The following NRXN3 variants were observed in gnomAD, a reference collection of about 807,000 sequenced individuals.
NRXN3 encodes the protein neurexin III.
Under a neutral mutation model 137.6 loss-of-function variants are expected in NRXN3, and 32 were observed. The observed-to-expected ratio is 0.23, with a 90% confidence interval of 0.18 to 0.31. The LOEUF is 0.31. Ranked by LOEUF, NRXN3 falls within the 10% of genes least tolerant of loss-of-function variation. NRXN3 has a pLI of 1.00. For synonymous variants in NRXN3, 798 were observed against 784.5 expected (o/e 1.02, Z -0.29); for missense variants, 1,574 against 2,062.5 (o/e 0.76, Z 4.59).
intron 15 of NRXN3, among the ~76,000 whole-genome samples, chr14:79,385,106 TTGTGCAGGTTAGTTACATATGTATACA>T (rs2153459812): frequency 6.6e-6 from 1 of 151,732 alleles, no homozygotes; most frequent in Non-Finnish European, 1.5e-5. Context: ...CATGTGCACA[TTGTGCAGGTTAGTTACATATGTATACA>T]TGTGCCATGC....
chr14:79,575,358 A>G (rs1000085116), intron 16 of NRXN3, among the ~76,000 whole-genome samples: 1 of 152,156 alleles, frequency 6.6e-6, no homozygotes, highest in Non-Finnish European at 1.5e-5. Context: ...GAAGACATAA[A>G]CAAATTTATT....
intron 10 of NRXN3, among the ~76,000 whole-genome samples, chr14:78,864,689 C>T (rs1197698218): frequency 1.3e-5 from 2 of 152,048 alleles, no homozygotes; most frequent in Non-Finnish European, 2.9e-5. Context: ...ACATTGGAGC[C>T]TTTGAAGGGA....
At chr14:78,873,388 A>G (rs1358926177) in intron 10 of NRXN3, among the ~76,000 whole-genome samples, 2 of 152,192 alleles carry the variant, frequency 1.3e-5, no homozygotes, top group African/African-American at 4.8e-5. Flanking sequence ...CACCATACTT[A>G]GTGAGAAGTT....
At chr14:79,171,373 T>C (rs2061764387) in intron 15 of NRXN3, among the ~76,000 whole-genome samples, 1 of 152,130 alleles carries the variant, frequency 6.6e-6, no homozygotes, top group Non-Finnish European at 1.5e-5. Flanking sequence ...GTTATAAGAG[T>C]ACGTGTATAC....
chr14:79,810,281 G>T (rs913306681), intron 20 of NRXN3, among the ~76,000 whole-genome samples: 2 of 151,916 alleles, frequency 1.3e-5, no homozygotes, highest in African/African-American at 4.8e-5. Flanking sequence ...GTTATCCAGG[G>T]GTATATTTTT....
At chr14:78,438,479 C>T (rs528907779) in intron 4 of NRXN3, among the ~76,000 whole-genome samples, 35 of 152,194 alleles carry the variant, frequency 2.3e-4, no homozygotes, top group African/African-American at 8.2e-4. Context: ...TGTGTAGTGG[C>T]CTGGTATAAG....
At chr14:78,977,308 A>G (rs923966763) in intron 14 of NRXN3, among the ~76,000 whole-genome samples, 2 of 152,188 alleles carry the variant, frequency 1.3e-5, no homozygotes, top group African/African-American at 2.4e-5. Flanking sequence ...CACCATTTCG[A>G]AAAGTTCTAG....
intron 4 of NRXN3, among the ~76,000 whole-genome samples, chr14:78,514,650 T>C (rs2153793155): frequency 6.6e-6 from 1 of 152,238 alleles, no homozygotes; most frequent in Admixed American, 6.5e-5. Flanking sequence ...AAAGGTTCTT[T>C]CCCTCATGCT....
At chr14:78,316,287 CG>C (rs1567239542) in intron 4 of NRXN3, among the ~76,000 whole-genome samples, 1 of 151,000 alleles carries the variant, frequency 6.6e-6, no homozygotes, top group East Asian at 2.0e-4. Context: ...GAGTTGGGGG[CG>C]GGGGTGGCAG....
chr14:78,271,796 C>T (rs1374309891), intron 2 of NRXN3, among the ~76,000 whole-genome samples: 1 of 152,168 alleles, frequency 6.6e-6, no homozygotes, highest in Non-Finnish European at 1.5e-5. Context: ...GGCTCTGGGG[C>T]TCAGTCCTCT....
At chr14:79,605,445 T>C (rs1446591107) in intron 16 of NRXN3, among the ~76,000 whole-genome samples, 1 of 152,176 alleles carries the variant, frequency 6.6e-6, no homozygotes, top group Non-Finnish European at 1.5e-5. Context: ...CATATTTTGC[T>C]CTACTGGGCC....
chr14:79,696,553 G>T (rs56923607), intron 18 of NRXN3, among the ~76,000 whole-genome samples: 3,445 of 151,908 alleles, frequency 0.023, 143 homozygotes, highest in African/African-American at 0.079. Flanking sequence ...CTGATAAATT[G>T]CAATAAATTT....
intron 15 of NRXN3, among the ~76,000 whole-genome samples, chr14:79,053,050 A>G (rs939264952): frequency 7.2e-5 from 11 of 152,212 alleles, no homozygotes; most frequent in African/African-American, 2.7e-4. Flanking sequence ...TCATTCATTC[A>G]TTGATTTAAA....
intron 20 of NRXN3, among the ~76,000 whole-genome samples, chr14:79,852,560 C>T (rs750046560): frequency 2.4e-4 from 36 of 152,090 alleles, no homozygotes; most frequent in Non-Finnish European, 3.5e-4. Context: ...TGTCTACTTA[C>T]GACGTACATC....
chr14:79,697,606 T>C (rs755953937), intron 18 of NRXN3, 24 bp from the exon 19 acceptor site: 3 of 1,602,380 alleles, frequency 1.9e-6, no homozygotes, highest in African/African-American at 1.3e-5. Flanking sequence ...AGAATAATAA[T>C]GTTTCCTCCA....
intron 15 of NRXN3, among the ~76,000 whole-genome samples, chr14:79,040,286 T>G (rs2099623043): frequency 6.6e-6 from 1 of 152,188 alleles, no homozygotes; most frequent in Non-Finnish European, 1.5e-5. Context: ...TTCTAAAAAT[T>G]AATGTATACC....
At chr14:78,238,882 C>A (rs2066704698) in intron 1 of NRXN3, among the ~76,000 whole-genome samples, 1 of 152,212 alleles carries the variant, frequency 6.6e-6, no homozygotes, top group Non-Finnish European at 1.5e-5. Flanking sequence ...GTGGCCCCGA[C>A]AAAGCAGGCT....
At chr14:78,838,380 T>G (rs1051321344) in intron 10 of NRXN3, among the ~76,000 whole-genome samples, 1 of 152,168 alleles carries the variant, frequency 6.6e-6, no homozygotes, top group Non-Finnish European at 1.5e-5. Context: ...AGTAGATACA[T>G]AGATATTCCT....
chr14:78,935,006 T>C (rs1250937718), intron 10 of NRXN3, among the ~76,000 whole-genome samples: 1 of 152,038 alleles, frequency 6.6e-6, no homozygotes, highest in Non-Finnish European at 1.5e-5. Flanking sequence ...ACAATGGGCT[T>C]AAGTGTTCAC....
Sources: allele counts gnomAD v4.1 joint callset (sites outside exome capture counted in the v4.1 genomes callset), GRCh38; gene constraint gnomAD v4.1.1; transcripts MANE v1.5; gene names NCBI Gene and HGNC (gene_info 2026-07-23, HGNC 2026-07-21).